The following QKI variants were observed in gnomAD, a reference collection of about 807,000 sequenced individuals.
QKI encodes KH domain-containing RNA-binding protein QKI.
A neutral mutation model predicts 39.0 loss-of-function variants in QKI; 10 were observed. That is an observed-to-expected ratio of 0.26 (90% CI 0.16 to 0.43). The LOEUF (loss-of-function observed/expected upper bound fraction) is 0.43. Among genes scored for constraint, QKI ranks in the 20% least tolerant of loss-of-function variants. QKI has a pLI of 1.00. For synonymous variants in QKI, 204 were observed against 155.4 expected (o/e 1.31, Z -2.33); for missense variants, 218 against 428.0 (o/e 0.51, Z 4.33).
intron 2 of QKI, among the ~76,000 whole-genome samples, chr6:163,458,103 CA>C (rs1791066254): frequency 6.6e-6 from 1 of 152,068 alleles, no homozygotes; most frequent in South Asian, 2.1e-4. Context: ...AGAGTTAGCA[CA>C]GGGGCAGTGT....
In QKI at chr6:163,577,495, C is replaced by T. The variant is rs376367554; in HGVS notation, c.*6785C>T. The T allele has an allele frequency of 3.9e-5, 6 of 152,118 alleles. No homozygotes were observed. Among genetic ancestry groups the T allele is most frequent in the African/African-American group, 1.4e-4 (6 of 41,438 alleles). The allele number at this position is 152,118 out of a possible 1,614,324, so 9.4% of individuals were successfully genotyped here. Reference sequence around the variant, plus strand: ...GATCAAAGTGTCTAGAAAGCCCAAACATGTATTCTTAACATAGTAGGCACC... The same window carrying T: ...GATCAAAGTGTCTAGAAAGCCCAAATATGTATTCTTAACATAGTAGGCACC... On this transcript the variant is annotated 3_prime_UTR_variant, in exon 8 of 8. Coordinates refer to ENST00000361752, the MANE Select transcript of QKI (RefSeq NM_006775.3).
intron 3 of QKI, among the ~76,000 whole-genome samples, chr6:163,496,026 T>G (rs1417956722): frequency 6.6e-6 from 1 of 152,246 alleles, no homozygotes; most frequent in Non-Finnish European, 1.5e-5. Flanking sequence ...TAATGTCTTT[T>G]GTCCAATTTT....
Position 163,577,854 on chromosome 6 carries a change from A to G in QKI, c.*7144A>G, listed in dbSNP as rs1474295912. On this transcript the variant is annotated 3_prime_UTR_variant, in exon 8 of 8. Coordinates refer to ENST00000361752, the MANE Select transcript of QKI (RefSeq NM_006775.3). ...TATGTTTACAGAAGTGCTTAAGTGA[A>G]TGGAAGCACTAGACATTTGGATTTC... The G allele has an allele frequency of 6.6e-6, 1 of 152,218 alleles. No homozygotes were observed. The highest frequency in any genetic ancestry group is 1.5e-5 in the Non-Finnish European group (1 of 68,036). 9.4% of individuals were successfully genotyped at this position (152,218 alleles called of 1,614,324 possible). A position where few individuals can be genotyped will look rare whatever the true frequency, so the allele number is the denominator to read the frequency against.
intron 2 of QKI, among the ~76,000 whole-genome samples, chr6:163,462,238 G>T (rs1361148815): frequency 6.6e-6 from 1 of 152,158 alleles, no homozygotes; most frequent in African/African-American, 2.4e-5. Context: ...TTACAGGCGG[G>T]AGCCACTGCG....
chr6:163,469,245 C>T (rs1234889668), intron 2 of QKI, among the ~76,000 whole-genome samples: 1 of 152,070 alleles, frequency 6.6e-6, no homozygotes, highest in Non-Finnish European at 1.5e-5. Flanking sequence ...ACTTGAAAAG[C>T]ATGGGGTATG....
intron 1 of QKI, among the ~76,000 whole-genome samples, chr6:163,427,391 C>G (rs1197696523): frequency 6.6e-6 from 1 of 151,548 alleles, no homozygotes; most frequent in Non-Finnish European, 1.5e-5. Flanking sequence ...GTAAAACTAT[C>G]TTTAAAATTT....
At position 163,563,427 on chromosome 6, in the gene QKI, T is replaced by C; in HGVS notation, c.642T>C (p.Leu214=). Residue 214 remains leucine (L), a synonymous_variant, in exon 6 of 8, where the codon CTT becomes CTC. Coordinates refer to ENST00000361752, the MANE Select transcript of QKI (RefSeq NM_006775.3). ...YRDANIKSPA[L]AFSLAATAQA... Reference sequence around the variant, plus strand: ...TTTCTTTGCTTACTGTAGCAGCCCTTGCCTTTTCTCTTGCAGCAACAGCCC... The same window carrying C: ...TTTCTTTGCTTACTGTAGCAGCCCTCGCCTTTTCTCTTGCAGCAACAGCCC... 1 of 1,606,162 alleles carries C rather than the reference T, an allele frequency of 6.2e-7. No individual in the cohort carries two copies. The highest frequency in any genetic ancestry group is 1.3e-5 in the African/African-American group (1 of 74,810).
chr6:163,568,437 G>A (rs745881535), intron 7 of QKI: 3 of 985,132 alleles, frequency 3.0e-6, no homozygotes, highest in Non-Finnish European at 3.6e-6. Flanking sequence ...TTGTAGTTAC[G>A]TGTTTTGATT....
At chr6:163,535,519 A>G (rs1366386934) in intron 4 of QKI, among the ~76,000 whole-genome samples, 1 of 88,122 alleles carries the variant, frequency 1.1e-5, no homozygotes, top group East Asian at 5.1e-4. Context: ...CTACTCCCAG[A>G]GTATAATTTT....
At chr6:163,570,535 G>T (rs1783642930) in intron 7 of QKI, 159 bp from the exon 8 acceptor site, 10 of 981,744 alleles carry the variant, frequency 1.0e-5, no homozygotes, top group Non-Finnish European at 1.2e-5. Flanking sequence ...TTCTGTAGAT[G>T]GTGTCAATCA....
At chr6:163,546,836 A>G (rs1055933048) in intron 4 of QKI, among the ~76,000 whole-genome samples, 1 of 152,088 alleles carries the variant, frequency 6.6e-6, no homozygotes, top group African/African-American at 2.4e-5. Flanking sequence ...TATTCATCAC[A>G]AGGCTCCTTT....
rs1583228993 is a variant in QKI at position 163,564,029 on chromosome 6, C to T, written c.934+310C>T. On this transcript the variant is annotated intron_variant, in intron 6 of 7. Coordinates refer to ENST00000361752, the MANE Select transcript of QKI (RefSeq NM_006775.3). ...TCATTCTGAGTTTTAGGTCCCACCCCATTGGCCCGTCACCTCCATCAGCTC... is the reference window on the plus strand; with the variant it reads ...TCATTCTGAGTTTTAGGTCCCACCCTATTGGCCCGTCACCTCCATCAGCTC... The T allele has an allele frequency of 1.2e-5, 14 of 1,164,508 alleles. No homozygotes were observed. The East Asian group carries it at 5.9e-4, about 49-fold the overall frequency. 72.1% of individuals were successfully genotyped at this position (1,164,508 alleles called of 1,614,324 possible).
At chr6:163,482,233 C>A (rs904616912) in intron 3 of QKI, among the ~76,000 whole-genome samples, 1 of 152,100 alleles carries the variant, frequency 6.6e-6, no homozygotes, top group Non-Finnish European at 1.5e-5. Context: ...TTCTGTGGTA[C>A]ATTATTTTCT....
At position 163,455,309 on chromosome 6, in the gene QKI, A is replaced by G. The variant is rs775194222; in HGVS notation, c.173A>G (p.Asn58Ser). 8.1e-6 allele frequency: 13 copies of G among 1,613,212 alleles called. No individual in the cohort carries two copies. In the African/African-American group the frequency reaches 1.6e-4, roughly 20 times the overall value. The change falls in exon 2 of 8, where the codon AAT becomes AGT. Residue 58 changes from asparagine (N) to serine (S), a missense_variant. Physicochemically the swap from Asn to Ser is conservative, Grantham distance 46. Transcript: ENST00000361752. ...AGCAGAGTACGGAAAGACATGTACAATGACACATTAAATGGCAGTACAGAG... is the reference window on the plus strand; with the variant it reads ...AGCAGAGTACGGAAAGACATGTACAGTGACACATTAAATGGCAGTACAGAG... ...EISRVRKDMY[N>S]DTLNGSTEKR...
intron 3 of QKI, among the ~76,000 whole-genome samples, chr6:163,526,735 C>T (rs2128239132): frequency 6.6e-6 from 1 of 152,336 alleles, no homozygotes; most frequent in African/African-American, 2.4e-5. Context: ...TTCAGCTTTT[C>T]AACTGATCTT....
At chr6:163,564,438 G>A (rs1180359803) in intron 6 of QKI, 3 of 1,399,792 alleles carry the variant, frequency 2.1e-6, no homozygotes, top group Admixed American at 5.9e-5. Context: ...GACTGTAGTT[G>A]TATTCTTAAG....
At chr6:163,493,845 A>ACAAAAATATTGT (rs1562485524) in intron 3 of QKI, among the ~76,000 whole-genome samples, 1 of 151,448 alleles carries the variant, frequency 6.6e-6, no homozygotes. Flanking sequence ...TTTTAAAGGG[A>ACAAAAATATTGT]CAAAAATATA....
chr6:163,522,923 G>A (rs937441686), intron 3 of QKI, among the ~76,000 whole-genome samples: 2 of 151,720 alleles, frequency 1.3e-5, no homozygotes, highest in Non-Finnish European at 3.0e-5. Context: ...ATAGGACGTC[G>A]CAACCTACCA....
intron 1 of QKI, 27 bp downstream of exon 1, chr6:163,415,362 G>A (rs1390281304): frequency 1.3e-6 from 2 of 1,569,150 alleles, no homozygotes; most frequent in South Asian, 1.1e-5. Flanking sequence ...CCCCGGCCCC[G>A]GCCCGACCCC....
Sources: allele counts gnomAD v4.1 joint callset (sites outside exome capture counted in the v4.1 genomes callset), GRCh38; gene constraint gnomAD v4.1.1; transcripts MANE v1.5; gene names NCBI Gene and HGNC (gene_info 2026-07-23, HGNC 2026-07-21).